The following PLAGL1 variants were observed in gnomAD, a reference collection of about 807,000 sequenced individuals.
PLAGL1 encodes the protein PLAG1 like zinc finger 1, also known as zinc finger protein PLAGL1.
A neutral mutation model predicts 4.6 loss-of-function variants in PLAGL1; 1 was observed. The ratio of observed to expected loss-of-function variants is 0.22; its 90% CI spans 0.08 to 1.03. PLAGL1 has a LOEUF of 1.03. Ranked by LOEUF, PLAGL1 falls within the 50% of genes least tolerant of loss-of-function variation. The probability of loss-of-function intolerance (pLI) is 0.58; values close to 1 mark genes in which losing one functional copy is unlikely to be tolerated. For missense variants in PLAGL1, 464 were observed against 570.4 expected, an observed-to-expected ratio of 0.81 and a Z score of 1.90; for synonymous variants, 240 against 237.8, an observed-to-expected ratio of 1.01 and a Z score of -0.08.
intron 1 of PLAGL1, among the ~76,000 whole-genome samples, chr6:144,021,320 A>G (rs1425232306): frequency 6.6e-6 from 1 of 152,184 alleles, no homozygotes; most frequent in Non-Finnish European, 1.5e-5. Context: ...TTTAGCAATT[A>G]TTACTGTATT....
intron 1 of PLAGL1, among the ~76,000 whole-genome samples, chr6:143,986,776 A>AAG (rs1789269798): frequency 6.6e-6 from 1 of 152,220 alleles, no homozygotes; most frequent in South Asian, 2.1e-4. Context: ...ATCATTCAAC[A>AAG]GTGCTTAAAA....
chr6:144,026,062 T>C (rs1304081191), intron 1 of PLAGL1, among the ~76,000 whole-genome samples: 1 of 152,198 alleles, frequency 6.6e-6, no homozygotes, highest in African/African-American at 2.4e-5. Flanking sequence ...CAGCTCCTTA[T>C]TACTTTCCCA....
Position 144,000,955 on chromosome 6 carries a change from A to T in PLAGL1, c.-584+7135T>A, listed in dbSNP as rs1386720684. Among the ~76,000 whole-genome samples, 1 of 152,166 alleles carries T rather than the reference A, an allele frequency of 6.6e-6. No homozygotes were observed. The highest frequency in any genetic ancestry group is 1.5e-5 in the Non-Finnish European group (1 of 67,980). On this transcript the variant is annotated intron_variant, in intron 1 of 7. Coordinates refer to ENST00000674357, the MANE Select transcript of PLAGL1 (RefSeq NM_001317162.2). The surrounding 1 kb of genome is among the most constrained non-coding windows in gnomAD (Gnocchi z 4.1). ...CATTTGACAAAATTAAAAATAGAGT[A>T]TACGTACATATAACTCCTAGCTCTG... is the stretch of plus-strand genomic sequence containing the variant.
chr6:144,026,701 AT>A (rs1796366297), intron 1 of PLAGL1, among the ~76,000 whole-genome samples: 1 of 152,192 alleles, frequency 6.6e-6, no homozygotes, highest in Admixed American at 6.5e-5. Context: ...ATAAATATGT[AT>A]TTTCAATCTC....
intron 6 of PLAGL1, among the ~76,000 whole-genome samples, chr6:143,951,918 CAG>C (rs1411166561): frequency 4.6e-5 from 7 of 152,178 alleles, no homozygotes; most frequent in African/African-American, 7.2e-5. Context: ...TTAATTTCTT[CAG>C]AGAGTCCTTA....
chr6:143,948,595 T>C lies in PLAGL1; in HGVS notation c.-324-135A>G, dbSNP rs1228818623. On this transcript the variant is annotated intron_variant, in intron 6 of 7. Coordinates refer to ENST00000674357, the MANE Select transcript of PLAGL1 (RefSeq NM_001317162.2). The surrounding 1 kb of genome is among the most constrained non-coding windows in gnomAD (Gnocchi z 6.0). ...GGTGCTCATGGAACACAGTTCTCCA[T>C]GTGAGAGGGCCATCTGCATACAAGT... 2 of 163,414 alleles carry C rather than the reference T, an allele frequency of 1.2e-5. No individual in the cohort carries two copies. The highest frequency in any genetic ancestry group is 2.7e-5 in the Non-Finnish European group (2 of 74,174). 10.1% of individuals were successfully genotyped at this position (163,414 alleles called of 1,614,324 possible).
upstream of PLAGL1, among the ~76,000 whole-genome samples, chr6:144,010,986 C>A (rs546548957): frequency 1.3e-4 from 20 of 152,164 alleles, no homozygotes; most frequent in Non-Finnish European, 2.9e-4. This position sits in a 1 kb window ranked among gnomAD's most constrained non-coding sequence, Gnocchi z 4.1. Context: ...AAACATCAGA[C>A]CTAAAACCAT....
At chr6:144,020,520 C>A (rs1351893332) in intron 1 of PLAGL1, among the ~76,000 whole-genome samples, 1 of 151,996 alleles carries the variant, frequency 6.6e-6, no homozygotes, top group Non-Finnish European at 1.5e-5. Flanking sequence ...AACTCCTGAC[C>A]TTGTATCCAC....
At chr6:144,009,887 A>G (rs992168168), upstream of PLAGL1, among the ~76,000 whole-genome samples, 10 of 152,170 alleles carry the variant, frequency 6.6e-5, no homozygotes, top group Non-Finnish European at 1.5e-4. Flanking sequence ...CATGGTGTAT[A>G]TGTGCCACAT....
rs1797537591 is a variant in PLAGL1 at position 144,039,350 on chromosome 6, A to G, written c.-151+25118T>C. Among the ~76,000 whole-genome samples the G allele has an allele frequency of 6.6e-6, 1 of 152,148 alleles. No individual in the cohort carries two copies. Among genetic ancestry groups the G allele is most frequent in the Admixed American group, 6.6e-5 (1 of 15,264 alleles). On this transcript the variant is annotated intron_variant, in intron 1 of 3. Coordinates refer to the PLAGL1 transcript ENST00000437412. This position sits in a 1 kb window ranked among gnomAD's most constrained non-coding sequence, Gnocchi z 4.1. ...CTGTAATCTCAACACTTTGGGAGGCAGAAGTGGGTGGATCATTAGAGGCCC... is the reference window on the plus strand; with the variant it reads ...CTGTAATCTCAACACTTTGGGAGGCGGAAGTGGGTGGATCATTAGAGGCCC...
At chr6:144,007,039 AC>A (rs1163950022) in intron 1 of PLAGL1, 2 of 152,238 alleles carry the variant, frequency 1.3e-5, no homozygotes, top group Non-Finnish European at 2.9e-5. Context: ...AAGGATGAAT[AC>A]CCAGGCGTGC....
chr6:143,969,778 G>GA (rs200892440), intron 2 of PLAGL1, among the ~76,000 whole-genome samples: 10 of 151,182 alleles, frequency 6.6e-5, no homozygotes, highest in African/African-American at 2.4e-4. Context: ...AAATATGGGG[G>GA]AAAAAAACAC....
At chr6:144,062,543 A>G (rs1799512360) in intron 1 of PLAGL1, among the ~76,000 whole-genome samples, 1 of 150,356 alleles carries the variant, frequency 6.7e-6, no homozygotes, top group Non-Finnish European at 1.5e-5. Flanking sequence ...TGTGGCTAGT[A>G]CAGAAGGGCA....
intron 2 of PLAGL1, among the ~76,000 whole-genome samples, chr6:143,981,619 G>A (rs1043778389): frequency 4.6e-5 from 7 of 152,124 alleles, no homozygotes; most frequent in African/African-American, 1.7e-4. Context: ...TCCAATGTCG[G>A]AATGCCTTTG....
At chr6:143,977,521 TG>T (rs544270455) in intron 2 of PLAGL1, among the ~76,000 whole-genome samples, 187 of 129,466 alleles carry the variant, frequency 1.4e-3, no homozygotes, top group African/African-American at 5.1e-3. Context: ...TCGCCCAGAC[TG>T]GGGTGCAGTA....
At chr6:144,035,569 A>G (rs1370401556) in intron 1 of PLAGL1, among the ~76,000 whole-genome samples, 4 of 152,152 alleles carry the variant, frequency 2.6e-5, no homozygotes, top group Non-Finnish European at 5.9e-5. Context: ...TCAAATGTTA[A>G]TCGTCTTTGG....
At chr6:144,021,702 A>T (rs573672501) in intron 1 of PLAGL1, among the ~76,000 whole-genome samples, 1 of 152,358 alleles carries the variant, frequency 6.6e-6, no homozygotes, top group Admixed American at 6.5e-5. Context: ...CTGGAAGGCC[A>T]TCATTACAGT....
At chr6:144,023,798 A>G in intron 1 of PLAGL1, among the ~76,000 whole-genome samples, 1 of 88,370 alleles carries the variant, frequency 1.1e-5, no homozygotes, top group East Asian at 3.0e-4. Context: ...TTTTTTTGAG[A>G]CAGAGTCTTG....
At chr6:143,993,784 T>G (rs1057075583) in intron 1 of PLAGL1, among the ~76,000 whole-genome samples, 1 of 152,012 alleles carries the variant, frequency 6.6e-6, no homozygotes, top group Non-Finnish European at 1.5e-5. Context: ...ATGTAGCAAA[T>G]CTGAAAACCA....
Sources: gnomAD v4.1 joint callset for allele counts (sites outside exome capture counted in the v4.1 genomes callset) on GRCh38, gnomAD v4.1.1 for gene constraint, Gnocchi (gnomAD v3.1) non-coding constraint, MANE v1.5 for transcripts, NCBI Gene and HGNC (gene_info 2026-07-23, HGNC 2026-07-21) for gene names.